DENND1A: variants seen among roughly 807,000 people sequenced by gnomAD.
DENND1A encodes the protein DENN domain containing 1A, also known as DENN domain-containing protein 1A.
In DENND1A, 51 loss-of-function variants were observed where a neutral mutation model predicts 113.7. The observed-to-expected ratio is 0.45, with a 90% CI of 0.36 to 0.57. The LOEUF is 0.57. Among genes scored for constraint, DENND1A ranks in the 20% least tolerant of loss-of-function variants. The probability of loss-of-function intolerance (pLI) is 0.00; values close to 1 mark genes in which losing one functional copy is unlikely to be tolerated. For missense variants in DENND1A, 1,258 were observed against 1,395.9 expected, an observed-to-expected ratio of 0.90 and a Z score of 1.57; for synonymous variants, 565 against 570.8, an observed-to-expected ratio of 0.99 and a Z score of 0.14.
At chr9:123,840,875 T>C (rs947779443) in intron 2 of DENND1A, among the ~76,000 whole-genome samples, 23 of 152,162 alleles carry the variant, frequency 1.5e-4, no homozygotes, top group Admixed American at 1.5e-3. Context: ...AAATATTATA[T>C]CTTTTCTGGT....
At chr9:123,688,917 T>C (rs1483265493) in intron 5 of DENND1A, among the ~76,000 whole-genome samples, 3 of 152,166 alleles carry the variant, frequency 2.0e-5, no homozygotes, top group Non-Finnish European at 2.9e-5. Flanking sequence ...TCCCTCAAAT[T>C]AAGGCTGTAT....
intron 21 of DENND1A, among the ~76,000 whole-genome samples, chr9:123,399,396 C>T (rs1226454397): frequency 2.0e-5 from 3 of 152,140 alleles, no homozygotes; most frequent in Admixed American, 6.5e-5. Flanking sequence ...GATAGGGTCT[C>T]GCTCTGAGGC....
intron 2 of DENND1A, among the ~76,000 whole-genome samples, chr9:123,825,879 G>C (rs900447111): frequency 1.3e-5 from 2 of 152,202 alleles, no homozygotes; most frequent in African/African-American, 4.8e-5. Flanking sequence ...AAATGTGAAT[G>C]CAAGTGGCCT....
intron 5 of DENND1A, among the ~76,000 whole-genome samples, chr9:123,694,942 G>A (rs887632513): frequency 1.6e-4 from 25 of 152,190 alleles, no homozygotes; most frequent in African/African-American, 5.8e-4. Flanking sequence ...GTGGGCTGGG[G>A]AAGGCAGATC....
rs189070086 is a variant in DENND1A, at chr9:123,882,247, G to C, written c.18-3226C>G. Among the ~76,000 whole-genome samples the C allele has an allele frequency of 5.3e-5, 8 of 150,818 alleles. No homozygotes were observed. In the East Asian group the frequency reaches 9.8e-4, roughly 19 times the overall value. ...CATGGTGGGGGATGCCCAGCTACTGGAGAGGCCAACGCAGGAGGATTGTTT... is the reference window on the plus strand; with the variant it reads ...CATGGTGGGGGATGCCCAGCTACTGCAGAGGCCAACGCAGGAGGATTGTTT... On this transcript the variant is annotated intron_variant, in intron 1 of 23. Coordinates refer to ENST00000394215, the MANE Select transcript of DENND1A (RefSeq NM_001352964.2).
intron 13 of DENND1A, among the ~76,000 whole-genome samples, chr9:123,553,238 C>T (rs144820565): frequency 1.8e-4 from 27 of 152,148 alleles, no homozygotes; most frequent in African/African-American, 4.6e-4. Flanking sequence ...GGCAATAGAG[C>T]GAGACCCCGT....
intron 19 of DENND1A, among the ~76,000 whole-genome samples, chr9:123,425,019 C>T (rs1315977712): frequency 6.6e-6 from 1 of 152,198 alleles, no homozygotes; most frequent in Non-Finnish European, 1.5e-5. Context: ...GGTGGATGTG[C>T]GACAAGCAGC....
intron 3 of DENND1A, 144 bp downstream of exon 3, chr9:123,792,443 A>G: frequency 1.2e-6 from 1 of 801,070 alleles, no homozygotes; most frequent in Non-Finnish European, 1.9e-6. Flanking sequence ...AATACGTTTT[A>G]CTTTTTGTCT....
intron 1 of DENND1A, among the ~76,000 whole-genome samples, chr9:123,920,202 G>A (rs189064793): frequency 2.6e-3 from 395 of 152,072 alleles, no homozygotes; most frequent in Non-Finnish European, 2.5e-3. Context: ...AGGCCGAGGC[G>A]GGCGGATCAC....
At position 123,523,404 on chromosome 9, in the gene DENND1A, C is replaced by T. The variant is rs148597017; in HGVS notation, c.993+34166G>A. Among the ~76,000 whole-genome samples the T allele has an allele frequency of 1.1e-4, 16 of 152,262 alleles. No homozygotes were observed. In the East Asian group the frequency reaches 1.2e-3, roughly 11 times the overall value. ...GAAGATACAGAACCAAAGCTCAAAT[C>T]GTTGACTTGCTTTTACTGCTACACA... On this transcript the variant is annotated intron_variant, in intron 13 of 23. Coordinates refer to ENST00000394215, the MANE Select transcript of DENND1A (RefSeq NM_001352964.2).
At chr9:123,627,957 A>T (rs558401845) in intron 10 of DENND1A, among the ~76,000 whole-genome samples, 1 of 152,132 alleles carries the variant, frequency 6.6e-6, no homozygotes, top group East Asian at 1.9e-4. Flanking sequence ...TTCATCCTAG[A>T]AACAGTTTAA....
intron 22 of DENND1A, among the ~76,000 whole-genome samples, chr9:123,386,930 C>G (rs772665044): frequency 6.6e-6 from 1 of 152,208 alleles, no homozygotes; most frequent in African/African-American, 2.4e-5. Context: ...GGAAAGGCAT[C>G]TCTCTTCTGT....
At chr9:123,659,315 T>G (rs1039664141) in intron 8 of DENND1A, among the ~76,000 whole-genome samples, 1 of 152,212 alleles carries the variant, frequency 6.6e-6, no homozygotes, top group Non-Finnish European at 1.5e-5. Flanking sequence ...AGCGGAGCCC[T>G]GGGCTCCATC....
intron 5 of DENND1A, among the ~76,000 whole-genome samples, chr9:123,726,991 T>C (rs1040225521): frequency 4.6e-5 from 7 of 152,218 alleles, no homozygotes; most frequent in East Asian, 1.9e-4. Context: ...CAGGCAGTCA[T>C]AGAACCTTGG....
intron 12 of DENND1A, among the ~76,000 whole-genome samples, chr9:123,582,454 C>A (rs2058950737): frequency 6.6e-6 from 1 of 151,374 alleles, no homozygotes; most frequent in South Asian, 2.1e-4. Context: ...GACTGGAGTG[C>A]AGTGGCACGA....
chr9:123,486,553 T>A (rs146069497), intron 13 of DENND1A, among the ~76,000 whole-genome samples: 2 of 152,118 alleles, frequency 1.3e-5, no homozygotes, highest in Non-Finnish European at 1.5e-5. Context: ...CCCTTTGATC[T>A]TCTAACCTGT....
chr9:123,386,453 C>T (rs138844554), intron 22 of DENND1A, among the ~76,000 whole-genome samples: 497 of 147,476 alleles, frequency 3.4e-3, no homozygotes, highest in South Asian at 0.013. Flanking sequence ...GTGATCTCGG[C>T]TCACTGCAAC....
intron 2 of DENND1A, 55 bp from the exon 3 acceptor site, chr9:123,792,685 G>A: frequency 1.9e-6 from 3 of 1,577,616 alleles, no homozygotes; most frequent in Non-Finnish European, 2.6e-6. Flanking sequence ...AGCAAGCAGA[G>A]GATCACACAT....
chr9:123,915,234 G>A (rs1274071611), intron 1 of DENND1A, among the ~76,000 whole-genome samples: 1 of 152,064 alleles, frequency 6.6e-6, no homozygotes, highest in Non-Finnish European at 1.5e-5. Flanking sequence ...AAAAATTACT[G>A]TGACCCTGAT....
Sources: allele counts gnomAD v4.1 joint callset (sites outside exome capture counted in the v4.1 genomes callset), GRCh38; gene constraint gnomAD v4.1.1; transcripts MANE v1.5; gene names NCBI Gene and HGNC (gene_info 2026-07-23, HGNC 2026-07-21).